The following CNTNAP2 variants were observed in gnomAD, a reference collection of about 807,000 sequenced individuals.
CNTNAP2 encodes contactin associated protein 2, also known as contactin-associated protein-like 2.
In CNTNAP2, 98 loss-of-function variants were observed where a neutral mutation model predicts 155.2. That is an observed-to-expected ratio of 0.63 (90% CI 0.54 to 0.75). The LOEUF (loss-of-function observed/expected upper bound fraction) is 0.75. CNTNAP2 is among the 30% of genes least tolerant of loss of function. CNTNAP2 has a pLI of 0.00. For missense variants in CNTNAP2, 1,727 were observed against 1,688.1 expected, an observed-to-expected ratio of 1.02 and a Z score of -0.40; for synonymous variants, 651 against 631.2, an observed-to-expected ratio of 1.03 and a Z score of -0.47.
At chr7:146,497,916 C>CATATATATTCTAACATATACATAAACAT (rs199828754) in intron 1 of CNTNAP2, among the ~76,000 whole-genome samples, 1 of 148,706 alleles carries the variant, frequency 6.7e-6, no homozygotes, top group Non-Finnish European at 1.5e-5. Context: ...CATATATAAA[C>CATATATATTCTAACATATACATAAACAT]ATATATTCTA....
intron 3 of CNTNAP2, among the ~76,000 whole-genome samples, chr7:146,968,726 A>G (rs868141423): frequency 0.029 from 4,328 of 151,010 alleles, 206 homozygotes; most frequent in African/African-American, 0.1. Flanking sequence ...TCTTGCTAGC[A>G]GTCTATCAAT....
intron 10 of CNTNAP2, among the ~76,000 whole-genome samples, chr7:147,483,457 G>T (rs960359466): frequency 1.3e-5 from 2 of 152,062 alleles, no homozygotes; most frequent in Admixed American, 1.3e-4. Context: ...TTTTGCATGC[G>T]TGTAAGAACA....
chr7:147,204,340 A>G (rs1225831553), intron 8 of CNTNAP2, among the ~76,000 whole-genome samples: 1 of 152,168 alleles, frequency 6.6e-6, no homozygotes, highest in Non-Finnish European at 1.5e-5. Context: ...ATTATTTAAT[A>G]CATAATCCTG....
intron 1 of CNTNAP2, among the ~76,000 whole-genome samples, chr7:146,430,074 C>T (rs527858381): frequency 1.3e-5 from 2 of 152,148 alleles, no homozygotes; most frequent in Admixed American, 6.5e-5. Flanking sequence ...ATGAAGCCAA[C>T]TTGATTGTGT....
chr7:147,039,271 T>A (rs1424965537), intron 3 of CNTNAP2, among the ~76,000 whole-genome samples: 3 of 152,120 alleles, frequency 2.0e-5, no homozygotes, highest in African/African-American at 7.2e-5. Flanking sequence ...AGGTAAACAC[T>A]CATGTGACAG....
chr7:147,834,043 ACTTT>A lies in CNTNAP2; in HGVS notation c.2099-69521_2099-69518del, dbSNP rs1798595534. 2.6e-5 allele frequency among the ~76,000 whole-genome samples: 4 copies of A among 152,340 alleles called. No homozygotes were observed. In the East Asian group the frequency reaches 7.7e-4, roughly 29 times the overall value. On this transcript the variant is annotated intron_variant, in intron 13 of 23. Transcript: ENST00000361727. ...AGAATTGAAAGATTAGATATGGGTT[ACTTT>A]TTCTTTCCACACTAGTGAGTCAATA...
chr7:147,551,539 A>G (rs983444736), intron 11 of CNTNAP2, among the ~76,000 whole-genome samples: 1 of 152,196 alleles, frequency 6.6e-6, no homozygotes, highest in Non-Finnish European at 1.5e-5. Flanking sequence ...AATCATAGCA[A>G]TAGTCTGATA....
intron 1 of CNTNAP2, among the ~76,000 whole-genome samples, chr7:146,759,711 A>ATG (rs1309834469): frequency 3.3e-5 from 2 of 60,768 alleles, no homozygotes; most frequent in Admixed American, 2.1e-4. Context: ...AAAAAAAAAA[A>ATG]GGTGGGTGGG....
intron 1 of CNTNAP2, among the ~76,000 whole-genome samples, chr7:146,335,590 C>T (rs979204597): frequency 9.9e-5 from 15 of 152,124 alleles, no homozygotes; most frequent in Non-Finnish European, 1.3e-4. Context: ...TTGCTTTTGA[C>T]GGTTTTCTCT....
chr7:146,268,775 T>C (rs933467795), intron 1 of CNTNAP2, among the ~76,000 whole-genome samples: 7 of 152,226 alleles, frequency 4.6e-5, no homozygotes, highest in African/African-American at 1.7e-4. Flanking sequence ...AATTAATATT[T>C]TACCATGTTA....
chr7:148,093,203 T>C (rs937087060), intron 15 of CNTNAP2, among the ~76,000 whole-genome samples: 1 of 150,354 alleles, frequency 6.7e-6, no homozygotes, highest in Admixed American at 6.6e-5. Context: ...AAAAAAAAAT[T>C]AAATTTTTTT....
chr7:146,133,602 G>A (rs1389088037), intron 1 of CNTNAP2, among the ~76,000 whole-genome samples: 1 of 152,100 alleles, frequency 6.6e-6, no homozygotes. Flanking sequence ...AAGGTGTAAG[G>A]AAGGGATCCA....
intron 1 of CNTNAP2, among the ~76,000 whole-genome samples, chr7:146,294,114 G>C (rs1233188754): frequency 6.6e-6 from 1 of 152,184 alleles, no homozygotes; most frequent in Non-Finnish European, 1.5e-5. Context: ...CTAGTGATTA[G>C]AGCTGACAGA....
At chr7:146,212,573 C>A (rs1201378648) in intron 1 of CNTNAP2, among the ~76,000 whole-genome samples, 2 of 152,086 alleles carry the variant, frequency 1.3e-5, no homozygotes, top group Non-Finnish European at 1.5e-5. Flanking sequence ...ATAATATTAT[C>A]AGGTTATTTT....
At chr7:148,278,185 A>G (rs1796909344) in intron 21 of CNTNAP2, among the ~76,000 whole-genome samples, 1 of 152,202 alleles carries the variant, frequency 6.6e-6, no homozygotes, top group South Asian at 2.1e-4. Flanking sequence ...GGATACAGGG[A>G]AGGGTAAAGA....
At chr7:146,499,078 C>T (rs1484813547) in intron 1 of CNTNAP2, among the ~76,000 whole-genome samples, 1 of 152,174 alleles carries the variant, frequency 6.6e-6, no homozygotes, top group Non-Finnish European at 1.5e-5. Context: ...AATAGATTAT[C>T]TGTACTCTGC....
chr7:148,309,774 C>T (rs1044702359), intron 21 of CNTNAP2, among the ~76,000 whole-genome samples: 1 of 152,102 alleles, frequency 6.6e-6, no homozygotes, highest in East Asian at 1.9e-4. Context: ...TGGATGTATA[C>T]GTGCAGGTCA....
chr7:147,740,730 C>T (rs1302890434), intron 13 of CNTNAP2, among the ~76,000 whole-genome samples: 1 of 152,130 alleles, frequency 6.6e-6, no homozygotes, highest in Non-Finnish European at 1.5e-5. Context: ...AATAAGGAAA[C>T]CATACTTCTT....
intron 3 of CNTNAP2, among the ~76,000 whole-genome samples, chr7:147,010,007 CTTTT>C (rs67223892): frequency 8.9e-5 from 11 of 123,680 alleles, no homozygotes; most frequent in East Asian, 2.4e-4. Flanking sequence ...TATCTTGGTT[CTTTT>C]TTTTTTTTTT....
Sources: allele counts gnomAD v4.1 joint callset (sites outside exome capture counted in the v4.1 genomes callset), GRCh38; gene constraint gnomAD v4.1.1; transcripts MANE v1.5; gene names NCBI Gene and HGNC (gene_info 2026-07-23, HGNC 2026-07-21).